Variants in SCHIP1 observed in about 807,000 individuals in gnomAD.
The protein encoded by SCHIP1 is schwannomin-interacting protein 1.
Under a neutral mutation model 29.7 loss-of-function variants are expected in SCHIP1, and 8 were observed. That is an observed-to-expected ratio of 0.27 (90% CI 0.16 to 0.49). The LOEUF (loss-of-function observed/expected upper bound fraction) is 0.49. SCHIP1 is among the 20% of genes least tolerant of loss of function. SCHIP1 has a pLI of 0.99. For synonymous variants in SCHIP1, 76 were observed against 94.9 expected (o/e 0.80, Z 1.16); for missense variants, 193 against 294.6 (o/e 0.66, Z 2.52).
chr3:159,425,982 C>A, the SCHIP1 span, among the ~76,000 whole-genome samples: 2 of 152,270 alleles, frequency 1.3e-5, no homozygotes, highest in East Asian at 3.9e-4. Context: ...TAAAGATGTT[C>A]TTTGAAACCA....
At chr3:159,741,267 G>A in the SCHIP1 span, among the ~76,000 whole-genome samples, 2 of 152,116 alleles carry the variant, frequency 1.3e-5, no homozygotes, top group African/African-American at 4.8e-5. Flanking sequence ...ATATATTCTG[G>A]CCGTAAGATT....
At chr3:159,670,790 C>T in the SCHIP1 span, among the ~76,000 whole-genome samples, 3 of 152,058 alleles carry the variant, frequency 2.0e-5, no homozygotes, top group African/African-American at 7.2e-5. Flanking sequence ...TCCCTGGGGT[C>T]CTGGAATAAT....
the SCHIP1 span, among the ~76,000 whole-genome samples, chr3:159,709,520 T>C: frequency 6.6e-6 from 1 of 152,220 alleles, no homozygotes; most frequent in African/African-American, 2.4e-5. Flanking sequence ...AGAAGTATAA[T>C]TATTTGCTTC....
the SCHIP1 span, among the ~76,000 whole-genome samples, chr3:159,314,482 T>C: frequency 6.6e-6 from 1 of 152,220 alleles, no homozygotes; most frequent in African/African-American, 2.4e-5. Context: ...CAATGAGATA[T>C]GAGAGGAAGC....
At chr3:159,891,267 A>G (rs1717506469) in intron 5 of SCHIP1, among the ~76,000 whole-genome samples, 1 of 152,164 alleles carries the variant, frequency 6.6e-6, no homozygotes, top group Non-Finnish European at 1.5e-5. Context: ...GCTACTCGGA[A>G]GGCTGAGGCA....
the SCHIP1 span, among the ~76,000 whole-genome samples, chr3:159,426,409 T>C: frequency 6.6e-6 from 1 of 152,146 alleles, no homozygotes; most frequent in African/African-American, 2.4e-5. Flanking sequence ...CAAACACCTC[T>C]ATGCAAATAA....
At chr3:159,856,644 G>C (rs556492839) in intron 1 of SCHIP1, among the ~76,000 whole-genome samples, 1 of 152,338 alleles carries the variant, frequency 6.6e-6, no homozygotes, top group Non-Finnish European at 1.5e-5. Flanking sequence ...CTGACAGCAG[G>C]GCGGTGAGTG....
exon 7 of SCHIP1, chr3:159,897,279 A>G (rs962974124): frequency 6.5e-6 from 1 of 152,704 alleles, no homozygotes; most frequent in African/African-American, 2.4e-5. Flanking sequence ...TAGATGTGCT[A>G]TTAACATTCT....
At chr3:159,280,350 A>G in the SCHIP1 span, among the ~76,000 whole-genome samples, 2 of 152,224 alleles carry the variant, frequency 1.3e-5, no homozygotes, top group East Asian at 1.9e-4. Flanking sequence ...ATCTCTATGA[A>G]TCTTTCTCTG....
chr3:159,642,015 G>A, the SCHIP1 span, among the ~76,000 whole-genome samples: 1 of 152,086 alleles, frequency 6.6e-6, no homozygotes, highest in Non-Finnish European at 1.5e-5. Context: ...AGGAGATTTA[G>A]AGCCAGAGGA....
At chr3:159,787,554 G>A in the SCHIP1 span, among the ~76,000 whole-genome samples, 1 of 152,166 alleles carries the variant, frequency 6.6e-6, no homozygotes, top group Non-Finnish European at 1.5e-5. Context: ...CTCCAGGATA[G>A]CAATTCCATC....
the SCHIP1 span, among the ~76,000 whole-genome samples, chr3:159,783,736 C>T: frequency 6.6e-6 from 1 of 152,140 alleles, no homozygotes; most frequent in Non-Finnish European, 1.5e-5. Flanking sequence ...GCTCCAGGAA[C>T]TTCTTGAGTA....
chr3:159,694,584 G>GA, the SCHIP1 span, among the ~76,000 whole-genome samples: 1 of 148,710 alleles, frequency 6.7e-6, no homozygotes. Flanking sequence ...AAGAAAGAAA[G>GA]AAAGAAAGAA....
At chr3:159,664,663 A>G in the SCHIP1 span, among the ~76,000 whole-genome samples, 2 of 152,238 alleles carry the variant, frequency 1.3e-5, no homozygotes, top group Non-Finnish European at 2.9e-5. Context: ...GGCAAAAGGA[A>G]GGTGTGTTCA....
At chr3:159,797,739 A>AT in the SCHIP1 span, among the ~76,000 whole-genome samples, 1 of 152,002 alleles carries the variant, frequency 6.6e-6, no homozygotes, top group East Asian at 1.9e-4. Context: ...CACTCAGCTA[A>AT]TTTTTTTGTA....
At chr3:159,662,806 G>C in the SCHIP1 span, among the ~76,000 whole-genome samples, 9 of 152,308 alleles carry the variant, frequency 5.9e-5, no homozygotes, top group African/African-American at 2.2e-4. Flanking sequence ...CTCCACTTTA[G>C]AGTCTGTGTT....
At chr3:159,793,596 C>T in the SCHIP1 span, among the ~76,000 whole-genome samples, 1 of 152,148 alleles carries the variant, frequency 6.6e-6, no homozygotes, top group African/African-American at 2.4e-5. Flanking sequence ...CTCACTCTGT[C>T]GCCCAGGCTT....
chr3:159,656,631 T>C, the SCHIP1 span, among the ~76,000 whole-genome samples: 1 of 152,212 alleles, frequency 6.6e-6, no homozygotes, highest in African/African-American at 2.4e-5. Context: ...CTCATCTGAA[T>C]TACGTGGTAC....
chr3:159,823,485 AG>A, the SCHIP1 span, among the ~76,000 whole-genome samples: 1 of 152,132 alleles, frequency 6.6e-6, no homozygotes, highest in African/African-American at 2.4e-5. Flanking sequence ...CCTATGGTAG[AG>A]CTCAGTGTTG....
Sources: allele counts gnomAD v4.1 joint callset (sites outside exome capture counted in the v4.1 genomes callset), GRCh38; gene constraint gnomAD v4.1.1; transcripts MANE v1.5; gene names NCBI Gene and HGNC (gene_info 2026-07-23, HGNC 2026-07-21).